The following ARID1B variants were observed in gnomAD, a reference collection of about 807,000 sequenced individuals.
ARID1B encodes AT-rich interactive domain-containing protein 1B.
Under a neutral mutation model 212.3 loss-of-function variants are expected in ARID1B, and 30 were observed. The observed-to-expected ratio is 0.14, with a 90% CI of 0.11 to 0.19. ARID1B has a LOEUF of 0.19. Among genes scored for constraint, ARID1B ranks in the 10% least tolerant of loss-of-function variants. The pLI is 1.00. For synonymous variants in ARID1B, 1,402 were observed against 1,301.7 expected (o/e 1.08, Z -1.66); for missense variants, 2,891 against 3,204.0 (o/e 0.90, Z 2.36).
rs1016490685 is a variant in ARID1B, at chr6:157,127,822, C to T, written c.2582-5206C>T. 4.0e-5 allele frequency among the ~76,000 whole-genome samples: 6 copies of T among 149,122 alleles called. No individual in the cohort carries two copies. In the East Asian group the frequency reaches 9.8e-4, roughly 24 times the overall value. On this transcript the variant is annotated intron_variant, in intron 6 of 19. Coordinates refer to ENST00000636930, the MANE Select transcript of ARID1B (RefSeq NM_001374828.1). ...AAAAAAAAAACAAAAATTAGCCAGG[C>T]ATGGTGGTGCACACCTGTAGTCCCA... is the stretch of plus-strand genomic sequence containing the variant.
At chr6:157,108,235 T>G (rs1452784212) in intron 5 of ARID1B, among the ~76,000 whole-genome samples, 2 of 152,230 alleles carry the variant, frequency 1.3e-5, no homozygotes, top group African/African-American at 4.8e-5. Flanking sequence ...GTCTTAGAAT[T>G]GTGCCACACA....
chr6:157,116,519 A>C (rs1005501373), intron 6 of ARID1B, among the ~76,000 whole-genome samples: 8 of 149,098 alleles, frequency 5.4e-5, no homozygotes, highest in African/African-American at 2.0e-4. Context: ...GTAATCCCAT[A>C]GTATTTGAAT....
At chr6:156,935,776 C>T (rs1351378717) in intron 4 of ARID1B, 200 bp downstream of exon 4, 1 of 512,742 alleles carries the variant, frequency 2.0e-6, no homozygotes, top group Non-Finnish European at 3.5e-6. Context: ...GTGTATATAT[C>T]TCTGTTGCAG....
chr6:157,070,304 G>T (rs1783933992), intron 4 of ARID1B, among the ~76,000 whole-genome samples: 1 of 151,644 alleles, frequency 6.6e-6, no homozygotes, highest in Non-Finnish European at 1.5e-5. Flanking sequence ...CAGGTCTTCA[G>T]ATCTTTTCTC....
Position 157,181,044 on chromosome 6 carries a change from C to T in ARID1B, c.3580C>T (p.Leu1194Phe), listed in dbSNP as rs1232184565. 1.9e-6 allele frequency: 3 copies of T among 1,614,054 alleles called. No individual in the cohort carries two copies. The highest frequency in any genetic ancestry group is 1.6e-4 in the Middle Eastern group (1 of 6,070). The change falls in exon 12 of 20, where the codon CTC becomes TTC. Residue 1194 changes from leucine (L) to phenylalanine (F), a missense_variant. Physicochemically the swap from Leu to Phe is conservative, Grantham distance 22 (BLOSUM62 0). Coordinates refer to ENST00000636930, the MANE Select transcript of ARID1B (RefSeq NM_001374828.1). ...YELGNEPERKLWVDRYLTFME... is the reference protein window; with the variant it reads ...YELGNEPERKFWVDRYLTFME... ...GCTGGGGAATGAGCCAGAGAGAAAGCTCTGGGTCGACCGATACCTCACCTT... is the reference window on the plus strand; with the variant it reads ...GCTGGGGAATGAGCCAGAGAGAAAGTTCTGGGTCGACCGATACCTCACCTT...
In ARID1B at chr6:157,206,242, T is replaced by C; in HGVS notation, c.5470T>C (p.Tyr1824His). The C allele has an allele frequency of 6.2e-7, 1 of 1,614,186 alleles. No individual in the cohort carries two copies. Among genetic ancestry groups the C allele is most frequent in the Admixed American group, 1.7e-5 (1 of 60,014 alleles). Residue 1824 changes from tyrosine to histidine, a missense_variant, in exon 20 of 20, where the codon TAT (tyrosine) becomes CAT (histidine). Coordinates refer to ENST00000636930, the MANE Select transcript of ARID1B (RefSeq NM_001374828.1). The surrounding 1 kb of genome is among the most constrained non-coding windows in gnomAD (Gnocchi z 6.8). ...LIDIFGILME[Y>H]EVGDPSQKAL... The stretch of plus-strand genomic sequence containing the variant: ...TGACATTTTTGGAATTCTTATGGAA[T>C]ATGAAGTGGGAGACCCCAGCCAAAA...
intron 7 of ARID1B, among the ~76,000 whole-genome samples, chr6:157,138,397 G>A (rs1789090270): frequency 6.6e-6 from 1 of 152,068 alleles, no homozygotes; most frequent in African/African-American, 2.4e-5. Context: ...CCCACGCCGG[G>A]CTAATTTTTT....
chr6:157,001,380 A>G (rs964059465), intron 4 of ARID1B, among the ~76,000 whole-genome samples: 2 of 152,288 alleles, frequency 1.3e-5, no homozygotes, highest in Middle Eastern at 3.4e-3. Context: ...CTGGATAAAT[A>G]TGAGAAGTGC....
intron 13 of ARID1B, among the ~76,000 whole-genome samples, chr6:157,188,718 A>G (rs113901423): frequency 0.13 from 19,307 of 152,142 alleles, 2,199 homozygotes; most frequent in African/African-American, 0.3. Context: ...ATAGAAGAGA[A>G]CCTAGACTAT....
chr6:157,014,773 G>A (rs778502763), intron 4 of ARID1B, among the ~76,000 whole-genome samples: 4 of 151,910 alleles, frequency 2.6e-5, no homozygotes, highest in Non-Finnish European at 5.9e-5. Context: ...TCTTTAGATT[G>A]GCATCTAGAG....
At chr6:157,079,587 A>T (rs1784513912) in intron 4 of ARID1B, among the ~76,000 whole-genome samples, 1 of 152,242 alleles carries the variant, frequency 6.6e-6, no homozygotes, top group Admixed American at 6.5e-5. Flanking sequence ...GACATCCAGG[A>T]TGTTAATTAG....
At chr6:157,141,359 T>G (rs1218549230) in intron 7 of ARID1B, 2 of 152,254 alleles carry the variant, frequency 1.3e-5, no homozygotes, top group Non-Finnish European at 2.9e-5. Context: ...TTTACACACT[T>G]TGTGTAATAT....
chr6:156,887,274 C>T (rs1787590411), intron 2 of ARID1B, among the ~76,000 whole-genome samples: 1 of 152,144 alleles, frequency 6.6e-6, no homozygotes, highest in Non-Finnish European at 1.5e-5. Flanking sequence ...GCTCTTCCCA[C>T]GGGACTGTCT....
At chr6:157,058,353 C>T (rs1362293912) in intron 4 of ARID1B, among the ~76,000 whole-genome samples, 5 of 151,922 alleles carry the variant, frequency 3.3e-5, no homozygotes, top group African/African-American at 1.2e-4. Context: ...CAGCCTCCAC[C>T]TCCCGGGTTC....
At chr6:157,084,143 CAA>C (rs1475833808) in intron 4 of ARID1B, among the ~76,000 whole-genome samples, 11 of 134,282 alleles carry the variant, frequency 8.2e-5, no homozygotes, top group South Asian at 2.5e-4. Flanking sequence ...ACCTCCCCCC[CAA>C]AAAAAAAAAA....
chr6:156,862,144 CAG>C (rs1196703434), intron 2 of ARID1B, among the ~76,000 whole-genome samples: 1 of 152,120 alleles, frequency 6.6e-6, no homozygotes, highest in Non-Finnish European at 1.5e-5. Flanking sequence ...AAATATGGGT[CAG>C]GGGAGTTGTG....
chr6:157,100,787 A>G (rs1786001087), intron 5 of ARID1B, among the ~76,000 whole-genome samples: 1 of 152,224 alleles, frequency 6.6e-6, no homozygotes, highest in Non-Finnish European at 1.5e-5. Context: ...TGCGGAGTCT[A>G]CCATGCAACC....
intron 4 of ARID1B, among the ~76,000 whole-genome samples, chr6:157,068,427 C>T (rs1419862496): frequency 6.6e-6 from 1 of 152,158 alleles, no homozygotes; most frequent in Non-Finnish European, 1.5e-5. Context: ...TGTTGGGGAT[C>T]ACCCACAAGA....
intron 3 of ARID1B, among the ~76,000 whole-genome samples, chr6:156,919,193 C>G (rs1790590500): frequency 6.6e-6 from 1 of 152,050 alleles, no homozygotes; most frequent in Non-Finnish European, 1.5e-5. Context: ...TTAATAGTAG[C>G]AGAAGAAAGC....
Sources: allele counts gnomAD v4.1 joint callset (sites outside exome capture counted in the v4.1 genomes callset), GRCh38; gene constraint gnomAD v4.1.1; non-coding constraint Gnocchi (gnomAD v3.1); transcripts MANE v1.5; gene names NCBI Gene and HGNC (gene_info 2026-07-23, HGNC 2026-07-21).